Variants in ELP6 observed in about 807,000 individuals in gnomAD.
The protein encoded by ELP6 is elongator complex protein 6.
A neutral mutation model predicts 28.1 loss-of-function variants in ELP6; 23 were observed. The ratio of observed to expected loss-of-function variants is 0.82; its 90% confidence interval spans 0.59 to 1.16. ELP6 has a LOEUF of 1.16. Among genes scored for constraint, ELP6 ranks in the 50% most tolerant of loss-of-function variants. The pLI, the probability that ELP6 is intolerant of heterozygous loss-of-function variation, is 0.00. For missense variants in ELP6, 313 were observed against 334.6 expected, an observed-to-expected ratio of 0.94 and a Z score of 0.50; for synonymous variants, 132 against 135.8, an observed-to-expected ratio of 0.97 and a Z score of 0.19.
Position 47,503,061 on chromosome 3 carries a change from T to G in ELP6, c.324-1210A>C, listed in dbSNP as rs145374120. ...CCAGGGCAACTGGCCTACTGCCTTA[T>G]GCTCCAGGGATGAGCCCCTGGCATT... On this transcript the variant is annotated intron_variant, in intron 4 of 6. Transcript: ENST00000296149. 2.0e-4 allele frequency: 212 copies of G among 1,034,298 alleles called. 3 individuals carry two copies. The African/African-American group carries it at 3.3e-3, about 16-fold the overall frequency. 64.1% of individuals were successfully genotyped at this position (1,034,298 alleles called of 1,614,324 possible). A position where few individuals can be genotyped will look rare whatever the true frequency, so the allele number is the denominator to read the frequency against.
At chr3:47,498,647 C>A (rs187579729) in intron 5 of ELP6, 6 of 985,356 alleles carry the variant, frequency 6.1e-6, no homozygotes, top group Admixed American at 1.2e-4. Context: ...ATGAGCCAAC[C>A]CATATTTTCA....
At chr3:47,511,438 A>G in intron 1 of ELP6, 1 of 1,367,212 alleles carries the variant, frequency 7.3e-7, no homozygotes, top group Admixed American at 3.3e-5. Context: ...GTTACTCATG[A>G]TAGGCAAGCA....
At chr3:47,508,360 C>T (rs151213353) in intron 3 of ELP6, among the ~76,000 whole-genome samples, 1,904 of 152,270 alleles carry the variant, frequency 0.013, 35 homozygotes, top group Non-Finnish European at 0.015. Context: ...TCTCATGCCT[C>T]AGCCTCCCAA....
rs750608591 is a variant in ELP6 at position 47,496,117 on chromosome 3, G to A, written c.753C>T (p.Asp251=). 93 of 1,614,026 alleles carry A rather than the reference G, an allele frequency of 5.8e-5. No homozygotes were observed. Among genetic ancestry groups the A allele is most frequent in the Non-Finnish European group, 7.7e-5 (91 of 1,180,038 alleles). Reference sequence around the variant, plus strand: ...CTTTGGCAAAAAAGGACACGCTTTTGTCCTGTATCTTATACTGGTAAGTGA... The same window carrying A: ...CTTTGGCAAAAAAGGACACGCTTTTATCCTGTATCTTATACTGGTAAGTGA... ...QSFTYQYKIQ[D]KSVSFFAKGM... The change falls in exon 7 of 7, where the codon GAC becomes GAT. Residue 251 remains aspartate, a synonymous_variant. Transcript: ENST00000296149.
intron 6 of ELP6, among the ~76,000 whole-genome samples, chr3:47,497,644 G>T (rs992405182): frequency 1.3e-5 from 2 of 151,136 alleles, no homozygotes; most frequent in African/African-American, 4.9e-5. Context: ...AAAGGAACAG[G>T]CTGGGCACGG....
At chr3:47,508,578 T>G (rs953004576) in intron 3 of ELP6, among the ~76,000 whole-genome samples, 28 of 152,150 alleles carry the variant, frequency 1.8e-4, no homozygotes, top group African/African-American at 6.5e-4. Context: ...TCATATGAAT[T>G]TGTTTCTTTA....
intron 2 of ELP6, 68 bp from the exon 3 acceptor site, chr3:47,510,322 C>A: frequency 7.1e-7 from 1 of 1,410,746 alleles, no homozygotes; most frequent in African/African-American, 1.4e-5. Flanking sequence ...TTTCATACCT[C>A]TGGAAAAAAA....
intron 1 of ELP6, chr3:47,512,801 G>A (rs2029893811): frequency 3.2e-6 from 3 of 936,328 alleles, no homozygotes; most frequent in South Asian, 4.9e-5. Context: ...CAATTGCTCC[G>A]GGGCGAGGTG....
chr3:47,513,607 T>C lies in ELP6; in HGVS notation c.-17A>G, dbSNP rs1345831159. 6.2e-7 allele frequency: 1 copy of C among 1,613,138 alleles called. No homozygotes were observed. Among genetic ancestry groups the C allele is most frequent in the Non-Finnish European group, 8.5e-7 (1 of 1,179,538 alleles). Reference sequence around the variant, plus strand: ...CACGAACATTCCGAGCTCCTGGGACTAGCGCTCTGGAGGAGAACCCGGAGT... The same window carrying C: ...CACGAACATTCCGAGCTCCTGGGACCAGCGCTCTGGAGGAGAACCCGGAGT... On this transcript the variant is annotated 5_prime_UTR_variant, in exon 1 of 7. Coordinates refer to ENST00000296149, the MANE Select transcript of ELP6 (RefSeq NM_001031703.3).
chr3:47,511,000 T>A, intron 2 of ELP6, 148 bp downstream of exon 2: 1 of 646,518 alleles, frequency 1.5e-6, no homozygotes. Context: ...CCTAGTAACC[T>A]GTTATCCTAA....
At chr3:47,500,691 C>T (rs939442474) in intron 5 of ELP6, among the ~76,000 whole-genome samples, 2 of 152,188 alleles carry the variant, frequency 1.3e-5, no homozygotes, top group African/African-American at 4.8e-5. Context: ...ACAGTTCCTC[C>T]TCCTCCCATT....
rs1363844220 is a variant in ELP6, at chr3:47,513,547, C to T, written c.44G>A (p.Arg15Lys). 8.7e-6 allele frequency: 14 copies of T among 1,612,906 alleles called. No individual in the cohort carries two copies. The highest frequency in any genetic ancestry group is 1.3e-5 in the African/African-American group (1 of 74,984). ...LNNLLNTTPD[R>K]AEQGKLTLLC... ...AGCGGGACCTCTTACCTGCTCCGCCCTGTCGGGGGTGGTGTTAAGCAGGTT... is the reference window on the plus strand; with the variant it reads ...AGCGGGACCTCTTACCTGCTCCGCCTTGTCGGGGGTGGTGTTAAGCAGGTT... The change falls in exon 1 of 7, where the codon AGG (arginine) becomes AAG (lysine). Residue 15 changes from arginine to lysine, a missense_variant. Coordinates refer to ENST00000296149, the MANE Select transcript of ELP6 (RefSeq NM_001031703.3).
In ELP6 at chr3:47,507,243, C is replaced by G. The variant is rs139915923; in HGVS notation, c.205-2795G>C. On this transcript the variant is annotated intron_variant, in intron 3 of 6. Transcript: ENST00000296149. The stretch of plus-strand genomic sequence containing the variant: ...GGGTATGGTGGCACATGCCTGTAAT[C>G]TCAGCTACCTGGGAAACTGAGGCAG... Among the ~76,000 whole-genome samples the G allele has an allele frequency of 5.9e-5, 9 of 151,836 alleles. No homozygotes were observed. In the East Asian group the frequency reaches 1.8e-3, roughly 30 times the overall value.
chr3:47,513,551 C>T lies in ELP6; in HGVS notation c.40G>A (p.Asp14Asn), dbSNP rs1271210450. ...GGACCTCTTACCTGCTCCGCCCTGT[C>T]GGGGGTGGTGTTAAGCAGGTTATTA... ...ELNNLLNTTP[D>N]RAEQGKLTLL... The change falls in exon 1 of 7, where the codon GAC becomes AAC. Residue 14 changes from aspartate (D) to asparagine (N), a missense_variant. Physicochemically the swap from Asp to Asn is conservative, Grantham distance 23. Transcript: ENST00000296149. 4 of 1,612,720 alleles carry T rather than the reference C, an allele frequency of 2.5e-6. No homozygotes were observed. The highest frequency in any genetic ancestry group is 2.2e-5 in the East Asian group (1 of 44,756).
chr3:47,499,325 T>C lies in ELP6; in HGVS notation c.526-893A>G, dbSNP rs555222876. Among the ~76,000 whole-genome samples, 5 of 152,186 alleles carry C rather than the reference T, an allele frequency of 3.3e-5. No individual in the cohort carries two copies. The East Asian group carries it at 9.6e-4, about 29-fold the overall frequency. On this transcript the variant is annotated intron_variant, in intron 5 of 6. Transcript: ENST00000296149. Reference sequence around the variant, plus strand: ...TGAGGTCAGGAGATCAAGACCAGCCTAGCCAACATGGTGAAACCCCGTCTC... The same window carrying C: ...TGAGGTCAGGAGATCAAGACCAGCCCAGCCAACATGGTGAAACCCCGTCTC...
Position 47,498,319 on chromosome 3 carries a change from C to A in ELP6, c.639G>T (p.Leu213=). The change falls in exon 6 of 7, where the codon CTG becomes CTT. Residue 213 remains leucine, a synonymous_variant. Coordinates refer to ENST00000296149, the MANE Select transcript of ELP6 (RefSeq NM_001031703.3). ...QSHLILRAEG[L]ATGFCRDVHG... is the part of the protein sequence containing the mutation. Reference sequence around the variant, plus strand: ...GCACATCCCTGCAGAAGCCAGTGGCCAGGCCCTCAGCCCGCAGTATCAGAT... The same window carrying A: ...GCACATCCCTGCAGAAGCCAGTGGCAAGGCCCTCAGCCCGCAGTATCAGAT... The A allele has an allele frequency of 6.2e-7, 1 of 1,613,686 alleles. No homozygotes were observed. Among genetic ancestry groups the A allele is most frequent in the Non-Finnish European group, 8.5e-7 (1 of 1,180,034 alleles).
chr3:47,510,529 C>T (rs1227419850), intron 2 of ELP6, among the ~76,000 whole-genome samples: 3 of 152,110 alleles, frequency 2.0e-5, no homozygotes, highest in Non-Finnish European at 4.4e-5. Flanking sequence ...GCTAGAGTGG[C>T]ACAATCATGG....
intron 2 of ELP6, among the ~76,000 whole-genome samples, chr3:47,510,711 G>C (rs1708989893): frequency 6.6e-6 from 1 of 152,122 alleles, no homozygotes; most frequent in African/African-American, 2.4e-5. Flanking sequence ...CCTCCCACCT[G>C]GGCCTCCCGA....
chr3:47,496,483 A>G (rs1002190992), intron 6 of ELP6: 2 of 983,024 alleles, frequency 2.0e-6, no homozygotes. Flanking sequence ...AAGACCCTTA[A>G]AGTATTTTTA....
Sources: gnomAD v4.1 joint callset for allele counts (sites outside exome capture counted in the v4.1 genomes callset) on GRCh38, gnomAD v4.1.1 for gene constraint, MANE v1.5 for transcripts, NCBI Gene and HGNC (gene_info 2026-07-23, HGNC 2026-07-21) for gene names.